Variants in TGFB2 observed in about 807,000 individuals in gnomAD.
TGFB2 encodes transforming growth factor beta 2, also known as transforming growth factor beta-2 proprotein.
In TGFB2, 13 loss-of-function variants were observed where a neutral mutation model predicts 42.7. The ratio of observed to expected loss-of-function variants is 0.30; its 90% CI spans 0.20 to 0.48. The LOEUF is 0.48. Ranked by LOEUF, TGFB2 falls within the 20% of genes least tolerant of loss-of-function variation. The probability of loss-of-function intolerance (pLI) is 0.99; values close to 1 mark genes in which losing one functional copy is unlikely to be tolerated. For synonymous variants in TGFB2, 193 were observed against 193.6 expected, an observed-to-expected ratio of 1.00 and a Z score of 0.03; for missense variants, 390 against 517.5, an observed-to-expected ratio of 0.75 and a Z score of 2.39.
chr1:218,366,383 T>G (rs1657388011), intron 1 of TGFB2, among the ~76,000 whole-genome samples: 1 of 152,160 alleles, frequency 6.6e-6, no homozygotes, highest in Non-Finnish European at 1.5e-5. Flanking sequence ...CATAGCTCAC[T>G]GTAACCTCTA....
intron 2 of TGFB2, among the ~76,000 whole-genome samples, chr1:218,416,101 T>C (rs768242910): frequency 1.3e-4 from 20 of 149,402 alleles, no homozygotes; most frequent in East Asian, 3.9e-4. Context: ...TTTATCAAGA[T>C]GTTAAGGGCT....
intron 1 of TGFB2, among the ~76,000 whole-genome samples, chr1:218,399,312 A>T (rs2102588382): frequency 6.6e-6 from 1 of 152,276 alleles, no homozygotes; most frequent in African/African-American, 2.4e-5. Context: ...TGGATAACCC[A>T]TTTACCATGA....
intron 2 of TGFB2, among the ~76,000 whole-genome samples, chr1:218,423,289 CCT>C (rs1371514821): frequency 6.6e-6 from 1 of 152,094 alleles, no homozygotes; most frequent in Non-Finnish European, 1.5e-5. Flanking sequence ...TTTATGTTTC[CCT>C]CTCTCTTGTA....
intron 1 of TGFB2, among the ~76,000 whole-genome samples, chr1:218,390,523 T>G (rs1658286314): frequency 6.6e-6 from 1 of 152,164 alleles, no homozygotes. Flanking sequence ...ATAGCCTCTG[T>G]GCACAAAAAT....
intron 1 of TGFB2, among the ~76,000 whole-genome samples, chr1:218,376,768 T>G (rs1336128718): frequency 6.6e-6 from 1 of 152,234 alleles, no homozygotes; most frequent in Non-Finnish European, 1.5e-5. Context: ...AAGTAGCTTA[T>G]AGCCTATTTG....
intron 2 of TGFB2, among the ~76,000 whole-genome samples, chr1:218,414,788 C>T (rs1052421392): frequency 7.2e-6 from 1 of 139,218 alleles, no homozygotes; most frequent in Non-Finnish European, 1.6e-5. Flanking sequence ...TGATAATTAT[C>T]GCTAATACAT....
intron 1 of TGFB2, among the ~76,000 whole-genome samples, chr1:218,379,284 C>T (rs1469125607): frequency 2.0e-5 from 3 of 151,732 alleles, no homozygotes; most frequent in Non-Finnish European, 2.9e-5. Flanking sequence ...AGGCGCCCGC[C>T]ACCACACCTG....
chr1:218,382,784 G>A (rs951831509), intron 1 of TGFB2, among the ~76,000 whole-genome samples: 1 of 152,160 alleles, frequency 6.6e-6, no homozygotes, highest in Non-Finnish European at 1.5e-5. Context: ...TCAGGACTAG[G>A]AAAACAAGGA....
At chr1:218,347,990 G>GCATA (rs1656747470) in intron 1 of TGFB2, among the ~76,000 whole-genome samples, 1 of 150,504 alleles carries the variant, frequency 6.6e-6, no homozygotes, top group African/African-American at 2.5e-5. Context: ...AAACCAGCTG[G>GCATA]CATACAGTAG....
At chr1:218,373,135 G>A (rs748355750) in intron 1 of TGFB2, among the ~76,000 whole-genome samples, 3 of 152,104 alleles carry the variant, frequency 2.0e-5, no homozygotes, top group Non-Finnish European at 4.4e-5. Context: ...CTGAGATCGC[G>A]CCACTGCACT....
chr1:218,379,126 C>CTTTTTTTTTTTT (rs748882381), intron 1 of TGFB2, among the ~76,000 whole-genome samples: 2 of 143,738 alleles, frequency 1.4e-5, no homozygotes, highest in African/African-American at 5.2e-5. Flanking sequence ...TTCTTTCTTT[C>CTTTTTTTTTTTT]TTTCTTTTTT....
At chr1:218,392,505 C>T (rs1400745194) in intron 1 of TGFB2, among the ~76,000 whole-genome samples, 1 of 152,176 alleles carries the variant, frequency 6.6e-6, no homozygotes, top group African/African-American at 2.4e-5. Context: ...TAGGGAAGAA[C>T]TCTTGTACTG....
rs1656687339 is a variant in TGFB2 at position 218,346,630 on chromosome 1, C to T, written c.-72C>T. 4.4e-6 allele frequency: 6 copies of T among 1,366,890 alleles called. No individual in the cohort carries two copies. The highest frequency in any genetic ancestry group is 4.0e-6 in the Non-Finnish European group (4 of 1,003,812). 84.7% of individuals were successfully genotyped at this position (1,366,890 alleles called of 1,614,324 possible). ...ACCAAACAACTCTCCTTGATCTATA[C>T]TTTGAGAATTGTTGATTTCTTTTTT... is the stretch of plus-strand genomic sequence containing the variant. On this transcript the variant is annotated 5_prime_UTR_variant, in exon 1 of 7. Transcript: ENST00000366930. This position sits in a 1 kb window ranked among gnomAD's most constrained non-coding sequence, Gnocchi z 4.9.
intron 1 of TGFB2, among the ~76,000 whole-genome samples, chr1:218,397,991 G>A (rs1658581568): frequency 6.6e-6 from 1 of 152,230 alleles, no homozygotes; most frequent in South Asian, 2.1e-4. Context: ...ACTGAGACCA[G>A]TGCTTGTCTG....
chr1:218,378,939 G>A (rs1657851435), intron 1 of TGFB2, among the ~76,000 whole-genome samples: 1 of 151,954 alleles, frequency 6.6e-6, no homozygotes, highest in Admixed American at 6.5e-5. Context: ...CTGGGTCTGT[G>A]GCTATTACCC....
chr1:218,414,169 G>A (rs1190781036), intron 2 of TGFB2, among the ~76,000 whole-genome samples: 2 of 151,964 alleles, frequency 1.3e-5, no homozygotes, highest in African/African-American at 4.8e-5. Flanking sequence ...ATACCAGGGA[G>A]CACAGCACTA....
At chr1:218,377,944 A>G (rs1657798484) in intron 1 of TGFB2, among the ~76,000 whole-genome samples, 1 of 151,550 alleles carries the variant, frequency 6.6e-6, no homozygotes, top group African/African-American at 2.4e-5. Flanking sequence ...TTAATTCATT[A>G]CATATATTAT....
intron 1 of TGFB2, among the ~76,000 whole-genome samples, chr1:218,349,509 T>C (rs1041436528): frequency 8.5e-5 from 13 of 152,332 alleles, no homozygotes; most frequent in African/African-American, 3.1e-4. Flanking sequence ...TTGCAGTGAA[T>C]CTGGCGAGGG....
In TGFB2 at chr1:218,441,311, C is replaced by G. The variant is rs761958644; in HGVS notation, c.1194C>G (p.Pro398=). The change falls in exon 7 of 7, where the codon CCC becomes CCG. Residue 398 remains proline, a synonymous_variant. Coordinates refer to ENST00000366930, the MANE Select transcript of TGFB2 (RefSeq NM_003238.6). ...TTCTCTACTACATTGGCAAAACACCCAAGATTGAACAGCTTTCTAATATGA... is the reference window on the plus strand; with the variant it reads ...TTCTCTACTACATTGGCAAAACACCGAAGATTGAACAGCTTTCTAATATGA... ...LTILYYIGKT[P]KIEQLSNMIV... is the part of the protein sequence containing the mutation. 6.2e-7 allele frequency: 1 copy of G among 1,612,848 alleles called. No individual in the cohort carries two copies. The highest frequency in any genetic ancestry group is 1.1e-5 in the South Asian group (1 of 90,652).
Sources: gnomAD v4.1 joint callset for allele counts (sites outside exome capture counted in the v4.1 genomes callset) on GRCh38, gnomAD v4.1.1 for gene constraint, Gnocchi (gnomAD v3.1) non-coding constraint, MANE v1.5 for transcripts, NCBI Gene and HGNC (gene_info 2026-07-23, HGNC 2026-07-21) for gene names.